Variants in NRXN1 observed in about 807,000 individuals in gnomAD.
NRXN1 encodes the protein neurexin-1.
Under a neutral mutation model 150.9 loss-of-function variants are expected in NRXN1, and 39 were observed. That is an observed-to-expected ratio of 0.26 (90% CI 0.20 to 0.34). The LOEUF (loss-of-function observed/expected upper bound fraction) is 0.34. Among genes scored for constraint, NRXN1 ranks in the 10% least tolerant of loss-of-function variants. The probability of loss-of-function intolerance (pLI) is 1.00; values close to 1 mark genes in which losing one functional copy is unlikely to be tolerated. For synonymous variants in NRXN1, 924 were observed against 757.0 expected (o/e 1.22, Z -3.62); for missense variants, 1,815 against 1,949.9 (o/e 0.93, Z 1.30).
At chr2:50,382,159 C>T (rs1365418826) in intron 17 of NRXN1, among the ~76,000 whole-genome samples, 2 of 152,104 alleles carry the variant, frequency 1.3e-5, no homozygotes, top group African/African-American at 4.8e-5. Flanking sequence ...GGAATGAAGA[C>T]CTTACAAGAA....
At chr2:50,334,240 A>G (rs2077039063) in intron 17 of NRXN1, among the ~76,000 whole-genome samples, 1 of 129,296 alleles carries the variant, frequency 7.7e-6, no homozygotes, top group Non-Finnish European at 1.6e-5. Flanking sequence ...AACGGGCCTC[A>G]CGTCTAGGCA....
At chr2:50,682,875 TGGG>T (rs1245169635) in intron 5 of NRXN1, among the ~76,000 whole-genome samples, 1 of 152,028 alleles carries the variant, frequency 6.6e-6, no homozygotes, top group Non-Finnish European at 1.5e-5. Context: ...TTATGAGACA[TGGG>T]GGGAATTATC....
chr2:49,972,192 C>T (rs1262048757), intron 21 of NRXN1, among the ~76,000 whole-genome samples: 1 of 152,106 alleles, frequency 6.6e-6, no homozygotes, highest in Non-Finnish European at 1.5e-5. Flanking sequence ...AGTTGATTTT[C>T]ATCCTCCTTC....
At chr2:50,638,611 T>C (rs989273775) in intron 5 of NRXN1, among the ~76,000 whole-genome samples, 1 of 152,164 alleles carries the variant, frequency 6.6e-6, no homozygotes, top group South Asian at 2.1e-4. Flanking sequence ...TCTGGTCTCA[T>C]GGATAGGACG....
intron 17 of NRXN1, among the ~76,000 whole-genome samples, chr2:50,384,288 C>T (rs770942102): frequency 1.8e-4 from 27 of 152,012 alleles, no homozygotes; most frequent in Non-Finnish European, 3.1e-4. Context: ...AGGCGGATCA[C>T]GAGGTCAGGA....
chr2:50,637,326 C>A (rs922714099), intron 5 of NRXN1, among the ~76,000 whole-genome samples: 2 of 152,108 alleles, frequency 1.3e-5, no homozygotes, highest in Admixed American at 1.3e-4. Flanking sequence ...ATCCCAGATT[C>A]CCTATCTGGT....
intron 8 of NRXN1, among the ~76,000 whole-genome samples, chr2:50,574,377 C>T (rs1671090574): frequency 6.6e-6 from 1 of 151,868 alleles, no homozygotes; most frequent in Non-Finnish European, 1.5e-5. Flanking sequence ...TGGATATGAA[C>T]CAAAAGCTTC....
At chr2:50,857,668 G>C (rs538225422) in intron 5 of NRXN1, among the ~76,000 whole-genome samples, 1 of 152,172 alleles carries the variant, frequency 6.6e-6, no homozygotes, top group African/African-American at 2.4e-5. Context: ...TCAAGGCCTA[G>C]GTCAAGGTCT....
At chr2:50,107,541 T>TATATATATATA (rs113045952) in intron 18 of NRXN1, among the ~76,000 whole-genome samples, 3 of 111,800 alleles carry the variant, frequency 2.7e-5, no homozygotes, top group African/African-American at 1.0e-4. Flanking sequence ...ATATATATAT[T>TATATATATATA]TTTTTTTTTT....
At chr2:50,669,808 AAAT>A (rs1475140504) in intron 5 of NRXN1, among the ~76,000 whole-genome samples, 13 of 150,782 alleles carry the variant, frequency 8.6e-5, no homozygotes, top group Non-Finnish European at 1.5e-4. Context: ...TACTCAAAAT[AAAT>A]AAATAAATAA....
At chr2:50,811,852 T>TC (rs1249709686) in intron 5 of NRXN1, among the ~76,000 whole-genome samples, 2 of 152,072 alleles carry the variant, frequency 1.3e-5, no homozygotes, top group Non-Finnish European at 2.9e-5. Flanking sequence ...AGGTCACAAT[T>TC]CCAAAAAGAA....
chr2:50,871,310 T>A (rs74505707), intron 5 of NRXN1, among the ~76,000 whole-genome samples: 7,878 of 151,964 alleles, frequency 0.052, 241 homozygotes, highest in East Asian at 0.069. Context: ...TTTACAAAGC[T>A]AAATGTTTTT....
At chr2:50,201,441 A>T (rs1375515278) in intron 18 of NRXN1, among the ~76,000 whole-genome samples, 2 of 152,202 alleles carry the variant, frequency 1.3e-5, no homozygotes, top group Non-Finnish European at 2.9e-5. Context: ...TAAATAGCAC[A>T]TCAAGTGTCC....
intron 5 of NRXN1, among the ~76,000 whole-genome samples, chr2:50,916,280 G>A (rs1685201774): frequency 6.6e-6 from 1 of 150,676 alleles, no homozygotes; most frequent in East Asian, 2.0e-4. Flanking sequence ...ACACAAAGAG[G>A]GACAATATTA....
intron 19 of NRXN1, among the ~76,000 whole-genome samples, chr2:50,061,426 A>G (rs1694516289): frequency 6.6e-6 from 1 of 152,220 alleles, no homozygotes; most frequent in Admixed American, 6.5e-5. Context: ...AAGCAGGCTT[A>G]AGCTGGTAGG....
At chr2:50,059,577 C>T (rs539256662) in intron 19 of NRXN1, among the ~76,000 whole-genome samples, 33 of 152,122 alleles carry the variant, frequency 2.2e-4, no homozygotes, top group African/African-American at 6.0e-4. Context: ...GCCAGGACAA[C>T]GAGGAAAATG....
chr2:50,299,434 C>A (rs1481210854), intron 17 of NRXN1, among the ~76,000 whole-genome samples: 1 of 148,436 alleles, frequency 6.7e-6, no homozygotes, highest in African/African-American at 2.5e-5. Context: ...TTAAAACTGA[C>A]TTCTAAATTT....
chr2:50,311,083 A>C (rs2075139404), intron 17 of NRXN1, among the ~76,000 whole-genome samples: 2 of 152,134 alleles, frequency 1.3e-5, no homozygotes, highest in Admixed American at 1.3e-4. Context: ...TTTTTATTTT[A>C]ATGTGGGAGA....
chr2:50,804,287 C>T (rs969055459), intron 5 of NRXN1, among the ~76,000 whole-genome samples: 1 of 152,002 alleles, frequency 6.6e-6, no homozygotes, highest in Non-Finnish European at 1.5e-5. Context: ...TAAGCAAAGG[C>T]GAGTTTAAAA....
Sources: allele counts gnomAD v4.1 joint callset (sites outside exome capture counted in the v4.1 genomes callset), GRCh38; gene constraint gnomAD v4.1.1; transcripts MANE v1.5; gene names NCBI Gene and HGNC (gene_info 2026-07-23, HGNC 2026-07-21).